Variants in HLA-E observed in about 807,000 individuals in gnomAD.
HLA-E encodes the protein major histocompatibility complex, class I, E, also known as HLA class I histocompatibility antigen, alpha chain E.
Under a neutral mutation model 43.4 loss-of-function variants are expected in HLA-E, and 25 were observed. That is an observed-to-expected ratio of 0.58 (90% CI 0.42 to 0.80). The LOEUF is 0.80. Among genes scored for constraint, HLA-E ranks in the 30% least tolerant of loss-of-function variants. HLA-E has a pLI of 0.00. For missense variants in HLA-E, 343 were observed against 470.0 expected, an observed-to-expected ratio of 0.73 and a Z score of 2.50; for synonymous variants, 161 against 197.6, an observed-to-expected ratio of 0.81 and a Z score of 1.55.
chr6:30,491,726 G>C lies in HLA-E; in HGVS notation c.1003+73G>C. On this transcript the variant is annotated intron_variant, in intron 5 of 7. Coordinates refer to ENST00000376630, the MANE Select transcript of HLA-E (RefSeq NM_005516.6). The surrounding 1 kb of genome is among the most constrained non-coding windows in gnomAD (Gnocchi z 5.4). ...TGTTTCAAGCCCTAGGTAAAAGTGT[G>C]TCCTGCCTCGTTACTGGGAAGCACC... 8.1e-7 allele frequency: 1 copy of C among 1,230,364 alleles called. No individual in the cohort carries two copies. The highest frequency in any genetic ancestry group is 2.0e-4 in the Middle Eastern group (1 of 5,092). 76.2% of individuals were successfully genotyped at this position (1,230,364 alleles called of 1,614,324 possible).
At position 30,489,520 on chromosome 6, in the gene HLA-E, G is replaced by A; in HGVS notation, c.-12G>A. On this transcript the variant is annotated 5_prime_UTR_variant, in exon 1 of 8. Coordinates refer to ENST00000376630, the MANE Select transcript of HLA-E (RefSeq NM_005516.6). The surrounding 1 kb of genome is among the most constrained non-coding windows in gnomAD (Gnocchi z 5.6). ...GGACTCAAGAAGTTCTCAGGACTCA[G>A]AGGCTGGGATCATGGTAGATGGAAC... The A allele has an allele frequency of 4.0e-6, 6 of 1,516,472 alleles. No homozygotes were observed. The highest frequency in any genetic ancestry group is 5.3e-6 in the Non-Finnish European group (6 of 1,133,160). The allele number at this position is 1,516,472 out of a possible 1,614,324, so 93.9% of individuals were successfully genotyped here.
chr6:30,492,505 G>T lies in HLA-E; in HGVS notation c.1037-36G>T. 1 of 1,614,082 alleles carries T rather than the reference G, an allele frequency of 6.2e-7. No individual in the cohort carries two copies. Among genetic ancestry groups the T allele is most frequent in the South Asian group, 1.1e-5 (1 of 91,084 alleles). ...ATTCCTCCTGCACCACATCTCCTGT[G>T]GGCTCTGACCAGGTCTTGTTTTTGT... On this transcript the variant is annotated intron_variant, in intron 6 of 7. Transcript: ENST00000376630. This position sits in a 1 kb window ranked among gnomAD's most constrained non-coding sequence, Gnocchi z 4.5.
At position 30,491,039 on chromosome 6, in the gene HLA-E, A is replaced by G. The variant is rs1796498962; in HGVS notation, c.611-98A>G. 2.7e-6 allele frequency: 4 copies of G among 1,493,156 alleles called. No homozygotes were observed. Among genetic ancestry groups the G allele is most frequent in the East Asian group, 2.3e-5 (1 of 44,066 alleles). The allele number at this position is 1,493,156 out of a possible 1,614,324, so 92.5% of individuals were successfully genotyped here. A position where few individuals can be genotyped will look rare whatever the true frequency, so the allele number is the denominator to read the frequency against. On this transcript the variant is annotated intron_variant, in intron 3 of 7. Transcript: ENST00000376630. The surrounding 1 kb of genome is among the most constrained non-coding windows in gnomAD (Gnocchi z 5.4). ...CAAGGTTTTGTCCTCTTCTCCTACT[A>G]TAATTGTCCTCTTCCTTCTCAGGAT...
Position 30,489,592 on chromosome 6 carries a change from G to A in HLA-E, c.61G>A (p.Ala21Thr), listed in dbSNP as rs1389373979. 1.9e-6 allele frequency: 3 copies of A among 1,570,948 alleles called. No homozygotes were observed. Among genetic ancestry groups the A allele is most frequent in the Non-Finnish European group, 2.6e-6 (3 of 1,158,266 alleles). Residue 21 changes from alanine (A) to threonine (T), a missense_variant, in exon 1 of 8, where the codon GCG (alanine) becomes ACG (threonine). Ala to Thr is a moderately conservative substitution (Grantham distance 58). Coordinates refer to ENST00000376630, the MANE Select transcript of HLA-E (RefSeq NM_005516.6). This position sits in a 1 kb window ranked among gnomAD's most constrained non-coding sequence, Gnocchi z 5.6. Reference protein sequence around the residue: ...SEALALTQTWAGSHSLKYFHT... With the variant: ...SEALALTQTWTGSHSLKYFHT... ...GGCCCTGGCCCTTACCCAGACCTGG[G>A]CGGGTGAGTGCGGGGTCGGGATGGA...
chr6:30,490,286 C>G lies in HLA-E; in HGVS notation c.381C>G (p.Asp127Glu), dbSNP rs767391049. Residue 127 changes from aspartate (D) to glutamate (E), a missense_variant, in exon 3 of 8, where the codon GAC (aspartate) becomes GAG (glutamate). Around this residue, in one of 3 missense-constraint regions of HLA-E, gnomAD observed 59 missense variants for 42.0 expected, o/e 1.40. Coordinates refer to ENST00000376630, the MANE Select transcript of HLA-E (RefSeq NM_005516.6). This position sits in a 1 kb window ranked among gnomAD's most constrained non-coding sequence, Gnocchi z 6.6. ...TGCATGGCTGCGAGCTGGGGCCCGA[C>G]GGGCGCTTCCTCCGCGGGTATGAAC... ...QWMHGCELGP[D>E]GRFLRGYEQF... 4 of 1,612,914 alleles carry G rather than the reference C, an allele frequency of 2.5e-6. No individual in the cohort carries two copies. In the African/African-American group the frequency reaches 4.0e-5, roughly 16 times the overall value.
Position 30,490,595 on chromosome 6 carries a change from A to G in HLA-E, c.610+80A>G. ...CCACAGCTGACAGACCTCAAACAGTAGAAGAAACAGGGATGGAGGCCAGAA... is the reference window on the plus strand; with the variant it reads ...CCACAGCTGACAGACCTCAAACAGTGGAAGAAACAGGGATGGAGGCCAGAA... On this transcript the variant is annotated intron_variant, in intron 3 of 7. Transcript: ENST00000376630. This position sits in a 1 kb window ranked among gnomAD's most constrained non-coding sequence, Gnocchi z 6.6. The G allele has an allele frequency of 7.2e-7, 1 of 1,392,662 alleles. No individual in the cohort carries two copies. Among genetic ancestry groups the G allele is most frequent in the Non-Finnish European group, 9.8e-7 (1 of 1,019,922 alleles). The allele number at this position is 1,392,662 out of a possible 1,614,324, so 86.3% of individuals were successfully genotyped here. A position where few individuals can be genotyped will look rare whatever the true frequency, so the allele number is the denominator to read the frequency against.
chr6:30,492,159 A>G lies in HLA-E; in HGVS notation c.1004-245A>G, dbSNP rs1395120858. Among the ~76,000 whole-genome samples, 1 of 152,038 alleles carries G rather than the reference A, an allele frequency of 6.6e-6. No individual in the cohort carries two copies. The highest frequency in any genetic ancestry group is 1.5e-5 in the Non-Finnish European group (1 of 67,992). On this transcript the variant is annotated intron_variant, in intron 5 of 7. Coordinates refer to ENST00000376630, the MANE Select transcript of HLA-E (RefSeq NM_005516.6). This position sits in a 1 kb window ranked among gnomAD's most constrained non-coding sequence, Gnocchi z 4.5. ...GAAGGACAGATTTATCACCTTGACGATTGTGGTGATGGGGACCTGATCCCA... is the reference window on the plus strand; with the variant it reads ...GAAGGACAGATTTATCACCTTGACGGTTGTGGTGATGGGGACCTGATCCCA...
Position 30,491,137 on chromosome 6 carries a change from A to C in HLA-E, c.611A>C (p.Glu204Ala). The C allele has an allele frequency of 6.2e-7, 1 of 1,613,626 alleles. No individual in the cohort carries two copies. Among genetic ancestry groups the C allele is most frequent in the Non-Finnish European group, 8.5e-7 (1 of 1,179,638 alleles). Residue 204 changes from glutamate to alanine, a missense_variant and splice_region_variant, in exon 4 of 8, where the codon GAG (glutamate) becomes GCG (alanine). By Grantham distance (107) the Glu-to-Ala change is moderately radical. Transcript: ENST00000376630. This position sits in a 1 kb window ranked among gnomAD's most constrained non-coding sequence, Gnocchi z 5.4. The part of the protein sequence containing the change: ...EKGKETLLHL[E>A]PPKTHVTHHP... ...TGAATTTTCTGACTCTTCCCCTCAG[A>C]GCCCCCAAAGACACACGTGACTCAC...
In HLA-E at chr6:30,492,625, A is replaced by T; in HGVS notation, c.*2+42A>T. On this transcript the variant is annotated intron_variant, in intron 7 of 7. Coordinates refer to ENST00000376630, the MANE Select transcript of HLA-E (RefSeq NM_005516.6). The surrounding 1 kb of genome is among the most constrained non-coding windows in gnomAD (Gnocchi z 4.5). Reference sequence around the variant, plus strand: ...CTGAAGTGGGTGGAGGGTGGGGCAGAGGGGACAGGACTGGGTTGTGGGGAT... The same window carrying T: ...CTGAAGTGGGTGGAGGGTGGGGCAGTGGGGACAGGACTGGGTTGTGGGGAT... 1 of 1,594,810 alleles carries T rather than the reference A, an allele frequency of 6.3e-7. No individual in the cohort carries two copies. Among genetic ancestry groups the T allele is most frequent in the Non-Finnish European group, 8.6e-7 (1 of 1,164,360 alleles).
rs1796627027 is a variant in HLA-E at position 30,492,596 on chromosome 6, G to A, written c.*2+13G>A. 1.9e-6 allele frequency: 3 copies of A among 1,613,704 alleles called. No homozygotes were observed. Among genetic ancestry groups the A allele is most frequent in the Non-Finnish European group, 1.7e-6 (2 of 1,179,804 alleles). On this transcript the variant is annotated intron_variant, in intron 7 of 7. Coordinates refer to ENST00000376630, the MANE Select transcript of HLA-E (RefSeq NM_005516.6). This position sits in a 1 kb window ranked among gnomAD's most constrained non-coding sequence, Gnocchi z 4.5. ...ACAGCTTGTAAAGGTGAGATTCTGG[G>A]GGTCTGAAGTGGGTGGAGGGTGGGG... is the stretch of plus-strand genomic sequence containing the variant.
Position 30,492,845 on chromosome 6 carries a change from G to A in HLA-E, c.*99G>A. ...TCACGCCTCCCCTATGTGTCTTAGG[G>A]GACTCTGGCTTCTCTTTTTGCAAGG... On this transcript the variant is annotated 3_prime_UTR_variant, in exon 8 of 8. Coordinates refer to ENST00000376630, the MANE Select transcript of HLA-E (RefSeq NM_005516.6). This position sits in a 1 kb window ranked among gnomAD's most constrained non-coding sequence, Gnocchi z 4.5. 1.6e-6 allele frequency: 1 copy of A among 611,288 alleles called. No individual in the cohort carries two copies. 37.9% of individuals were successfully genotyped at this position (611,288 alleles called of 1,614,324 possible).
rs1246388715 is a variant in HLA-E at position 30,490,283 on chromosome 6, C to G, written c.378C>G (p.Pro126=). 1 of 1,612,906 alleles carries G rather than the reference C, an allele frequency of 6.2e-7. No individual in the cohort carries two copies. Among genetic ancestry groups the G allele is most frequent in the Non-Finnish European group, 8.5e-7 (1 of 1,180,002 alleles). Reference sequence around the variant, plus strand: ...GGATGCATGGCTGCGAGCTGGGGCCCGACGGGCGCTTCCTCCGCGGGTATG... The same window carrying G: ...GGATGCATGGCTGCGAGCTGGGGCCGGACGGGCGCTTCCTCCGCGGGTATG... ...LQWMHGCELG[P]DGRFLRGYEQ... The change falls in exon 3 of 8, where the codon CCC becomes CCG. Residue 126 remains proline, a synonymous_variant. Transcript: ENST00000376630. This position sits in a 1 kb window ranked among gnomAD's most constrained non-coding sequence, Gnocchi z 6.6.
Position 30,490,210 on chromosome 6 carries a change from T to C in HLA-E, c.335-30T>C, listed in dbSNP as rs1161849500. On this transcript the variant is annotated intron_variant, in intron 2 of 7. Coordinates refer to ENST00000376630, the MANE Select transcript of HLA-E (RefSeq NM_005516.6). This position sits in a 1 kb window ranked among gnomAD's most constrained non-coding sequence, Gnocchi z 6.6. ...TGGTGGCGACGGGGGCGGGGCTTGG[T>C]GGGCGGGACTGACTAAGGGGCGGGG... 1 of 903,058 alleles carries C rather than the reference T, an allele frequency of 1.1e-6. No homozygotes were observed. Among genetic ancestry groups the C allele is most frequent in the Middle Eastern group, 3.5e-4 (1 of 2,838 alleles). The allele number at this position is 903,058 out of a possible 1,614,324, so 55.9% of individuals were successfully genotyped here.
Position 30,490,058 on chromosome 6 carries a change from G to A in HLA-E, c.334+63G>A. On this transcript the variant is annotated intron_variant, in intron 2 of 7. Coordinates refer to ENST00000376630, the MANE Select transcript of HLA-E (RefSeq NM_005516.6). This position sits in a 1 kb window ranked among gnomAD's most constrained non-coding sequence, Gnocchi z 6.6. ...TCCCCATCCCCCACGGACGGCGCGG[G>A]TCCCCTCGAATCTTCGGGTCCCAGA... 1.9e-6 allele frequency: 3 copies of A among 1,539,314 alleles called. No homozygotes were observed. The highest frequency in any genetic ancestry group is 2.6e-6 in the Non-Finnish European group (3 of 1,132,762).
rs747043330 is a variant in HLA-E, at chr6:30,489,524, C to G, written c.-8C>G. ...TCAAGAAGTTCTCAGGACTCAGAGG[C>G]TGGGATCATGGTAGATGGAACCCTC... On this transcript the variant is annotated 5_prime_UTR_variant, in exon 1 of 8. Coordinates refer to ENST00000376630, the MANE Select transcript of HLA-E (RefSeq NM_005516.6). The surrounding 1 kb of genome is among the most constrained non-coding windows in gnomAD (Gnocchi z 5.6). 1.3e-6 allele frequency: 2 copies of G among 1,517,436 alleles called. No individual in the cohort carries two copies. The allele number at this position is 1,517,436 out of a possible 1,614,324, so 94.0% of individuals were successfully genotyped here.
Position 30,492,903 on chromosome 6 carries a change from A to G in HLA-E, c.*157A>G. The G allele has an allele frequency of 2.1e-6, 1 of 485,548 alleles. No homozygotes were observed. The highest frequency in any genetic ancestry group is 3.8e-5 in the East Asian group (1 of 26,532). 30.1% of individuals were successfully genotyped at this position (485,548 alleles called of 1,614,324 possible). ...AATCTGTCTGTGTCCCTGTTAGCAC[A>G]ATGTGAGGAGGTAGAGAAACAGTCC... On this transcript the variant is annotated 3_prime_UTR_variant, in exon 8 of 8. Transcript: ENST00000376630. The surrounding 1 kb of genome is among the most constrained non-coding windows in gnomAD (Gnocchi z 4.5).
rs148319513 is a variant in HLA-E, at chr6:30,491,337, C to G, written c.811C>G (p.Pro271Ala). Residue 271 changes from proline (P) to alanine (A), a missense_variant, in exon 4 of 8, where the codon CCT (proline) becomes GCT (alanine). By Grantham distance (27) the Pro-to-Ala change is conservative. This residue lies in a region of HLA-E where 190 missense variants were observed against 283.6 expected (regional missense o/e 0.67). Coordinates refer to ENST00000376630, the MANE Select transcript of HLA-E (RefSeq NM_005516.6). The surrounding 1 kb of genome is among the most constrained non-coding windows in gnomAD (Gnocchi z 5.4). The stretch of plus-strand genomic sequence containing the variant: ...CCAGAAGTGGGCAGCTGTGGTGGTG[C>G]CTTCTGGAGAGGAGCAGAGATACAC... ...TFQKWAAVVV[P>A]SGEEQRYTCH... is the part of the protein sequence containing the mutation. 16 of 1,614,144 alleles carry G rather than the reference C, an allele frequency of 9.9e-6. No individual in the cohort carries two copies. The highest frequency in any genetic ancestry group is 1.4e-5 in the Non-Finnish European group (16 of 1,180,010).
chr6:30,489,705 T>G lies in HLA-E; in HGVS notation c.65-21T>G. On this transcript the variant is annotated intron_variant, in intron 1 of 7. Coordinates refer to ENST00000376630, the MANE Select transcript of HLA-E (RefSeq NM_005516.6). The surrounding 1 kb of genome is among the most constrained non-coding windows in gnomAD (Gnocchi z 5.6). ...CGCCGGGAGGAGGGTCGGGCCGATC[T>G]CAGCCCCTCCTCGCCCCCAGGCTCC... 1 of 1,611,982 alleles carries G rather than the reference T, an allele frequency of 6.2e-7. No homozygotes were observed. Among genetic ancestry groups the G allele is most frequent in the Non-Finnish European group, 8.5e-7 (1 of 1,179,664 alleles).
At position 30,490,332 on chromosome 6, in the gene HLA-E, G is replaced by A; in HGVS notation, c.427G>A (p.Asp143Asn). 6.2e-7 allele frequency: 1 copy of A among 1,613,068 alleles called. No individual in the cohort carries two copies. The highest frequency in any genetic ancestry group is 8.5e-7 in the Non-Finnish European group (1 of 1,180,032). Residue 143 changes from aspartate to asparagine, a missense_variant, in exon 3 of 8, where the codon GAT becomes AAT. This residue lies in a region of HLA-E where 190 missense variants were observed against 283.6 expected (regional missense o/e 0.67). Coordinates refer to ENST00000376630, the MANE Select transcript of HLA-E (RefSeq NM_005516.6). This position sits in a 1 kb window ranked among gnomAD's most constrained non-coding sequence, Gnocchi z 6.6. Reference protein sequence around the residue: ...GYEQFAYDGKDYLTLNEDLRS... With the variant: ...GYEQFAYDGKNYLTLNEDLRS... Reference sequence around the variant, plus strand: ...TGAACAGTTCGCCTACGACGGCAAGGATTATCTCACCCTGAATGAGGACCT... The same window carrying A: ...TGAACAGTTCGCCTACGACGGCAAGAATTATCTCACCCTGAATGAGGACCT...
Sources: gnomAD v4.1 joint callset for allele counts (sites outside exome capture counted in the v4.1 genomes callset) on GRCh38, gnomAD v4.1.1 for gene constraint, gnomAD v4.1.1 regional missense constraint, Gnocchi (gnomAD v3.1) non-coding constraint, MANE v1.5 for transcripts, NCBI Gene and HGNC (gene_info 2026-07-23, HGNC 2026-07-21) for gene names.